CACNA2D3: variants seen among roughly 807,000 people sequenced by gnomAD.
CACNA2D3 encodes the protein calcium voltage-gated channel auxiliary subunit alpha2delta 3.
CACNA2D3 carries 60 observed loss-of-function variants against 160.6 expected under a neutral mutation model. That is an observed-to-expected ratio of 0.37 (90% CI 0.30 to 0.46). The LOEUF is 0.46. CACNA2D3 is among the 20% of genes least tolerant of loss of function. CACNA2D3 has a pLI of 1.00. For missense variants in CACNA2D3, 1,205 were observed against 1,365.0 expected (o/e 0.88, Z 1.85); for synonymous variants, 558 against 492.9 (o/e 1.13, Z -1.75).
intron 2 of CACNA2D3, among the ~76,000 whole-genome samples, chr3:54,234,277 A>G (rs1190543648): frequency 1.3e-5 from 2 of 152,200 alleles, no homozygotes; most frequent in East Asian, 1.9e-4. Flanking sequence ...AATCAAAACT[A>G]CATTGAGATA....
intron 11 of CACNA2D3, among the ~76,000 whole-genome samples, chr3:54,695,093 C>T (rs1205326972): frequency 6.6e-6 from 1 of 152,168 alleles, no homozygotes; most frequent in Non-Finnish European, 1.5e-5. Flanking sequence ...TCTCGGCTCA[C>T]TGCAACCTCT....
chr3:54,299,760 G>A (rs1038734404), intron 2 of CACNA2D3, among the ~76,000 whole-genome samples: 13 of 152,146 alleles, frequency 8.5e-5, no homozygotes, highest in African/African-American at 2.9e-4. Flanking sequence ...ATTAACAAAA[G>A]GAGACATTAT....
intron 8 of CACNA2D3, among the ~76,000 whole-genome samples, chr3:54,580,665 C>T (rs1375102582): frequency 2.0e-5 from 3 of 152,214 alleles, no homozygotes; most frequent in African/African-American, 7.2e-5. Context: ...CAGAAAATAA[C>T]ACCGAAGGAC....
At chr3:54,661,837 GATGTGTGTATGTGT>G (rs1258491300) in intron 11 of CACNA2D3, among the ~76,000 whole-genome samples, 2 of 34,810 alleles carry the variant, frequency 5.7e-5, no homozygotes, top group Admixed American at 7.3e-4. Flanking sequence ...ACATCTCAGG[GATGTGTGTATGTGT>G]GTGTGTGTGT....
intron 29 of CACNA2D3, among the ~76,000 whole-genome samples, chr3:54,977,129 C>A (rs1702408412): frequency 6.6e-6 from 1 of 152,088 alleles, no homozygotes; most frequent in Non-Finnish European, 1.5e-5. Flanking sequence ...TAAAATAGCA[C>A]AATATGAAAT....
intron 5 of CACNA2D3, among the ~76,000 whole-genome samples, chr3:54,558,421 C>T (rs7621375): frequency 0.83 from 123,785 of 148,710 alleles, 51,268 homozygotes; most frequent in African/African-American, 0.87. Context: ...TTTTTTTTTT[C>T]CTTTCCATCT....
At chr3:54,543,113 T>C (rs1243562975) in intron 5 of CACNA2D3, among the ~76,000 whole-genome samples, 1 of 152,312 alleles carries the variant, frequency 6.6e-6, no homozygotes, top group East Asian at 1.9e-4. Context: ...CTTCAAATAC[T>C]CTAGGTACTA....
chr3:54,599,945 A>G (rs1418246470), intron 9 of CACNA2D3, among the ~76,000 whole-genome samples: 2 of 152,178 alleles, frequency 1.3e-5, no homozygotes, highest in Non-Finnish European at 2.9e-5. Flanking sequence ...GACCATCCAG[A>G]TGCCAGGTCC....
At chr3:54,309,496 C>G (rs978204134) in intron 2 of CACNA2D3, among the ~76,000 whole-genome samples, 4 of 151,976 alleles carry the variant, frequency 2.6e-5, no homozygotes, top group Admixed American at 2.6e-4. Context: ...TAATTCAGAA[C>G]CTGACAATCT....
chr3:55,065,326 C>A (rs922748351), intron 35 of CACNA2D3, among the ~76,000 whole-genome samples: 1 of 152,116 alleles, frequency 6.6e-6, no homozygotes, highest in Non-Finnish European at 1.5e-5. Flanking sequence ...ACACCATGCA[C>A]CACAAGTTCT....
intron 4 of CACNA2D3, among the ~76,000 whole-genome samples, chr3:54,476,936 C>A (rs950150313): frequency 1.3e-5 from 2 of 152,116 alleles, no homozygotes; most frequent in Non-Finnish European, 2.9e-5. Flanking sequence ...AGACCATGGA[C>A]ACCTGTTCCA....
intron 27 of CACNA2D3, among the ~76,000 whole-genome samples, chr3:54,914,407 G>A (rs2106914477): frequency 6.6e-6 from 1 of 152,252 alleles, no homozygotes; most frequent in Middle Eastern, 3.4e-3. Flanking sequence ...TGGACTAAAT[G>A]CTCTCTAAGA....
chr3:54,409,961 C>A (rs1175932788), intron 4 of CACNA2D3, among the ~76,000 whole-genome samples: 1 of 152,202 alleles, frequency 6.6e-6, no homozygotes, highest in Non-Finnish European at 1.5e-5. Flanking sequence ...TGTTTAAGAT[C>A]TAAGATAATT....
At chr3:54,788,258 G>C (rs571782680) in intron 13 of CACNA2D3, among the ~76,000 whole-genome samples, 2 of 152,226 alleles carry the variant, frequency 1.3e-5, no homozygotes, top group Admixed American at 1.3e-4. Flanking sequence ...TAATCTTAAG[G>C]AAGGCTGTTC....
At chr3:54,554,106 C>T (rs1702202243) in intron 5 of CACNA2D3, among the ~76,000 whole-genome samples, 1 of 152,194 alleles carries the variant, frequency 6.6e-6, no homozygotes, top group Non-Finnish European at 1.5e-5. Flanking sequence ...GTACAAAGCT[C>T]TTGCTAGCGT....
In CACNA2D3 at chr3:55,074,270, CTG is replaced by C; in HGVS notation, c.*67_*68del. Reference sequence around the variant, plus strand: ...CTTGGCATGCTAAATCATGGATAAACTGTGAACCAAAATATGGTGCAACATAC... The same window carrying C: ...CTTGGCATGCTAAATCATGGATAAACTGAACCAAAATATGGTGCAACATAC... On this transcript the variant is annotated 3_prime_UTR_variant, in exon 38 of 38. Transcript: ENST00000474759. 7.5e-7 allele frequency: 1 copy of C among 1,336,412 alleles called. No individual in the cohort carries two copies. Among genetic ancestry groups the C allele is most frequent in the Non-Finnish European group, 1.1e-6 (1 of 927,294 alleles). The allele number at this position is 1,336,412 out of a possible 1,614,324, so 82.8% of individuals were successfully genotyped here. A position where few individuals can be genotyped will look rare whatever the true frequency, so the allele number is the denominator to read the frequency against.
At chr3:54,195,024 G>A (rs1023499698) in intron 2 of CACNA2D3, among the ~76,000 whole-genome samples, 2 of 152,162 alleles carry the variant, frequency 1.3e-5, no homozygotes, top group African/African-American at 2.4e-5. Context: ...CCCATCCAAC[G>A]TGGTCACTCC....
chr3:55,043,629 A>C (rs1331331099), intron 35 of CACNA2D3, among the ~76,000 whole-genome samples: 1 of 152,172 alleles, frequency 6.6e-6, no homozygotes, highest in Non-Finnish European at 1.5e-5. Context: ...CACAGAGCAG[A>C]AAGTATTTTA....
In CACNA2D3 at chr3:54,320,525, A is replaced by C. The variant is rs758183777; in HGVS notation, c.288A>C (p.Glu96Asp). The C allele has an allele frequency of 6.4e-7, 1 of 1,566,750 alleles. No homozygotes were observed. Among genetic ancestry groups the C allele is most frequent in the South Asian group, 1.2e-5 (1 of 84,656 alleles). The change falls in exon 3 of 38, where the codon GAA becomes GAC. Residue 96 changes from glutamate to aspartate, a missense_variant. This residue lies in a region of CACNA2D3 where 163 missense variants were observed against 161.3 expected (regional missense o/e 1.01). Transcript: ENST00000474759. The stretch of plus-strand genomic sequence containing the variant: ...TAAAGAAGCTGGCAAAGAACATGGA[A>C]GAGATGTTTCACAAGAAGTCTGAGG... Reference protein sequence around the residue: ...QLVKKLAKNMEEMFHKKSEAV... With the variant: ...QLVKKLAKNMDEMFHKKSEAV...
Sources: allele counts gnomAD v4.1 joint callset (sites outside exome capture counted in the v4.1 genomes callset), GRCh38; gene constraint gnomAD v4.1.1; regional missense constraint gnomAD v4.1.1; transcripts MANE v1.5; gene names NCBI Gene and HGNC (gene_info 2026-07-23, HGNC 2026-07-21).